FANCG: variants seen among roughly 807,000 people sequenced by gnomAD.
FANCG encodes FA complementation group G, also known as Fanconi anemia group G protein.
In FANCG, 67 loss-of-function variants were observed where a neutral mutation model predicts 73.3. The observed-to-expected ratio is 0.91, with a 90% CI of 0.75 to 1.12. The LOEUF (loss-of-function observed/expected upper bound fraction) is 1.12, where lower values mean the gene tolerates loss of function less well. Among genes scored for constraint, FANCG ranks in the 50% most tolerant of loss-of-function variants. The pLI is 0.00. For missense variants in FANCG, 643 were observed against 735.6 expected, an observed-to-expected ratio of 0.87 and a Z score of 1.46; for synonymous variants, 297 against 311.6, an observed-to-expected ratio of 0.95 and a Z score of 0.49.
chr9:35,076,661 G>A, intron 7 of FANCG, 63 bp downstream of exon 7: 1 of 1,614,022 alleles, frequency 6.2e-7, no homozygotes, highest in South Asian at 1.1e-5. Context: ...GACTAGTCAA[G>A]TCACCCCATC....
At position 35,074,442 on chromosome 9, in the gene FANCG, C is replaced by T. The variant is rs138855718; in HGVS notation, c.1689G>A (p.Arg563=). 2.5e-6 allele frequency: 4 copies of T among 1,614,066 alleles called. No individual in the cohort carries two copies. In the African/African-American group the frequency reaches 5.3e-5, roughly 22 times the overall value. The part of the protein sequence containing the change: ...HLLQTLKRLD[R]RDEATALWWR... ...ACCAGAGTGCAGTGGCCTCATCCCT[C>T]CGATCTAGCCTCTTCAGAGTCTGAA... The change falls in exon 13 of 14, where the codon CGG becomes CGA. Residue 563 remains arginine (R), a synonymous_variant. Coordinates refer to ENST00000378643, the MANE Select transcript of FANCG (RefSeq NM_004629.2).
rs952720302 is a variant in FANCG at position 35,075,218 on chromosome 9, G to C, written c.1480+61C>G. 1.7e-5 allele frequency: 27 copies of C among 1,606,544 alleles called. No individual in the cohort carries two copies. The African/African-American group carries it at 3.5e-4, about 21-fold the overall frequency. The stretch of plus-strand genomic sequence containing the variant: ...CTGGTGGGCTGGGACACATTAAAGG[G>C]AACCCACTTCCACCACTACCACTTC... On this transcript the variant is annotated intron_variant, in intron 11 of 13. Transcript: ENST00000378643.
chr9:35,075,242 T>G (rs1276745955), intron 11 of FANCG, 37 bp downstream of exon 11: 1 of 1,613,050 alleles, frequency 6.2e-7, no homozygotes, highest in South Asian at 1.1e-5. Context: ...CACTACCACT[T>G]CCAGGAGGTA....
chr9:35,079,195 T>C lies in FANCG; in HGVS notation c.131A>G (p.Gln44Arg). Residue 44 changes from glutamine (Q) to arginine (R), a missense_variant, in exon 2 of 14, where the codon CAG becomes CGG. By Grantham distance (43) the Gln-to-Arg change is conservative (BLOSUM62 1). Transcript: ENST00000378643. ...CCCTCTGAGCCCTTCCAGTGCATCC[T>C]GAGCCAACTGCTGTCGCCTCAGAGT... ...GLTLRRQQLAQDALEGLRGLL... is the reference protein window; with the variant it reads ...GLTLRRQQLARDALEGLRGLL... 1 of 1,608,904 alleles carries C rather than the reference T, an allele frequency of 6.2e-7. No homozygotes were observed. Among genetic ancestry groups the C allele is most frequent in the Non-Finnish European group, 8.5e-7 (1 of 1,177,812 alleles).
chr9:35,076,612 A>G (rs763827052), intron 7 of FANCG, 29 bp from the exon 8 acceptor site: 22 of 1,614,018 alleles, frequency 1.4e-5, no homozygotes, highest in East Asian at 2.2e-5. Flanking sequence ...AATTGTATCT[A>G]TAATCTTTGG....
In FANCG at chr9:35,077,683, T is replaced by G. The variant is rs17882990; in HGVS notation, c.511-284A>C. On this transcript the variant is annotated intron_variant, in intron 4 of 13. Transcript: ENST00000378643. ...CCTCACTCAGGGCAAGGACCATATTTGAGTTACTAATAAGGAGACTAAGGC... is the reference window on the plus strand; with the variant it reads ...CCTCACTCAGGGCAAGGACCATATTGGAGTTACTAATAAGGAGACTAAGGC... Among the ~76,000 whole-genome samples, 15 of 152,044 alleles carry G rather than the reference T, an allele frequency of 9.9e-5. No individual in the cohort carries two copies. The East Asian group carries it at 2.9e-3, about 29-fold the overall frequency.
rs2131058966 is a variant in FANCG, at chr9:35,078,599, C to T, written c.307+6G>A. ...AGGGGAATCAGGGACAATCTCTGGCCCTCACCTCTCTCTAGGCTCCGCTGG... is the reference window on the plus strand; with the variant it reads ...AGGGGAATCAGGGACAATCTCTGGCTCTCACCTCTCTCTAGGCTCCGCTGG... On this transcript the variant is annotated splice_donor_region_variant and intron_variant, in intron 3 of 13. Transcript: ENST00000378643. 6.2e-7 allele frequency: 1 copy of T among 1,614,124 alleles called. No homozygotes were observed. Among genetic ancestry groups the T allele is most frequent in the Non-Finnish European group, 8.5e-7 (1 of 1,180,022 alleles).
chr9:35,074,267 G>T (rs749733793), intron 13 of FANCG, 51 bp from the exon 14 acceptor site: 1 of 1,611,692 alleles, frequency 6.2e-7, no homozygotes, highest in Non-Finnish European at 8.5e-7. Context: ...GCAGAAAGCT[G>T]GGCAGCCATA....
chr9:35,074,634 A>C, intron 12 of FANCG, 140 bp from the exon 13 acceptor site: 1 of 1,141,262 alleles, frequency 8.8e-7, no homozygotes, highest in Non-Finnish European at 1.3e-6. Context: ...GATCATTCAC[A>C]ACCATTCCCA....
In FANCG at chr9:35,079,690, A is replaced by G. The variant is rs1829148287; in HGVS notation, c.-166T>C. 1.6e-5 allele frequency: 11 copies of G among 691,264 alleles called. No individual in the cohort carries two copies. Among genetic ancestry groups the G allele is most frequent in the Non-Finnish European group, 2.8e-5 (11 of 394,382 alleles). 42.8% of individuals were successfully genotyped at this position (691,264 alleles called of 1,614,324 possible). The stretch of plus-strand genomic sequence containing the variant: ...TCCACCCGCCCAGGCTTTCCAGGAC[A>G]GATGGGACGCTCTCTCCCCGCGGCC... On this transcript the variant is annotated 5_prime_UTR_variant, in exon 1 of 14. Coordinates refer to ENST00000378643, the MANE Select transcript of FANCG (RefSeq NM_004629.2).
At chr9:35,076,305 G>A in intron 8 of FANCG, 127 bp downstream of exon 8, 1 of 1,110,348 alleles carries the variant, frequency 9.0e-7, no homozygotes, top group East Asian at 2.4e-5. Flanking sequence ...AGAGGCTGAG[G>A]AGTGGCGACC....
chr9:35,077,896 C>T, intron 4 of FANCG: 1 of 547,826 alleles, frequency 1.8e-6, no homozygotes, highest in Non-Finnish European at 3.3e-6. Context: ...CCTCAGCCTC[C>T]CAAAGTGCTG....
chr9:35,074,621 G>A (rs1171391338), intron 12 of FANCG, 127 bp from the exon 13 acceptor site: 12 of 1,290,932 alleles, frequency 9.3e-6, no homozygotes, highest in South Asian at 2.5e-5. Context: ...GGAAGCGGGG[G>A]CAGATCATTC....
chr9:35,078,055 AGT>A, intron 4 of FANCG, 84 bp downstream of exon 4: 1 of 1,318,316 alleles, frequency 7.6e-7, no homozygotes, highest in South Asian at 1.2e-5. Flanking sequence ...CCGCCTGTCC[AGT>A]ACATGATGAT....
chr9:35,074,589 T>C (rs1463810752), intron 12 of FANCG, 95 bp from the exon 13 acceptor site: 1 of 1,521,296 alleles, frequency 6.6e-7, no homozygotes, highest in Admixed American at 1.7e-5. Context: ...AGAGAGGAAG[T>C]ATCTTGCCTA....
Position 35,075,694 on chromosome 9 carries a change from CCG to C in FANCG, c.1202_1203del (p.Ala401GlyfsTer17). The C allele has an allele frequency of 6.2e-7, 1 of 1,608,214 alleles. No individual in the cohort carries two copies. The highest frequency in any genetic ancestry group is 1.1e-5 in the South Asian group (1 of 90,966). ...PCMPEVFLEA[A>X]VALIQAGRAQ... Reference sequence around the variant, plus strand: ...GCTCTGCCTGCCTGGATCAGTGCTACCGCTGCCTCCAAAAACACCTCAGGCAT... The same window carrying C: ...GCTCTGCCTGCCTGGATCAGTGCTACCTGCCTCCAAAAACACCTCAGGCAT... On this transcript the variant is annotated frameshift_variant, in exon 10 of 14. Transcript: ENST00000378643. LOFTEE classifies it high-confidence loss of function.
intron 9 of FANCG, 36 bp from the exon 10 acceptor site, chr9:35,075,790 A>G (rs768414522): frequency 3.2e-6 from 5 of 1,580,568 alleles, no homozygotes; most frequent in African/African-American, 1.3e-5. Context: ...CTTGAAAGGC[A>G]TGAGCCACCA....
rs372341195 is a variant in FANCG, at chr9:35,075,369, G to A, written c.1434-44C>T. On this transcript the variant is annotated intron_variant, in intron 10 of 13. Coordinates refer to ENST00000378643, the MANE Select transcript of FANCG (RefSeq NM_004629.2). The stretch of plus-strand genomic sequence containing the variant: ...CAGGGGTGAAGAGGAATCAATTTCA[G>A]AAACTCTAGGGTAAGTAGGTGAACA... 7 of 1,613,860 alleles carry A rather than the reference G, an allele frequency of 4.3e-6. No homozygotes were observed. In the African/African-American group the frequency reaches 9.3e-5, roughly 22 times the overall value.
chr9:35,077,970 A>G (rs1337512772), intron 4 of FANCG, 171 bp downstream of exon 4: 2 of 698,756 alleles, frequency 2.9e-6, no homozygotes. Context: ...GAGAATCCCC[A>G]CAATGAGAGA....
Sources: allele counts gnomAD v4.1 joint callset (sites outside exome capture counted in the v4.1 genomes callset), GRCh38; gene constraint gnomAD v4.1.1; transcripts MANE v1.5; gene names NCBI Gene and HGNC (gene_info 2026-07-23, HGNC 2026-07-21).